The following MBP variants were observed in gnomAD, a reference collection of about 807,000 sequenced individuals.
The protein encoded by MBP is myelin basic protein.
Under a neutral mutation model 35.8 loss-of-function variants are expected in MBP, and 16 were observed. The observed-to-expected ratio is 0.45, with a 90% CI of 0.30 to 0.68. The LOEUF (loss-of-function observed/expected upper bound fraction) is 0.68. Among genes scored for constraint, MBP ranks in the 30% least tolerant of loss-of-function variants. The pLI, the probability that MBP is intolerant of heterozygous loss-of-function variation, is 0.08. For missense variants in MBP, 380 were observed against 404.7 expected, an observed-to-expected ratio of 0.94 and a Z score of 0.52; for synonymous variants, 143 against 159.6, an observed-to-expected ratio of 0.90 and a Z score of 0.78.
At chr18:77,068,757 C>T (rs1265201205) in intron 2 of MBP, among the ~76,000 whole-genome samples, 2 of 152,180 alleles carry the variant, frequency 1.3e-5, no homozygotes, top group African/African-American at 4.8e-5. Context: ...TGTTCAAACT[C>T]ACTAGTAATC....
chr18:77,059,591 TATAA>T (rs1185511300), intron 3 of MBP, among the ~76,000 whole-genome samples: 2 of 152,044 alleles, frequency 1.3e-5, no homozygotes, highest in African/African-American at 4.8e-5. Flanking sequence ...TGTGTAACAC[TATAA>T]ATAAATATAT....
At chr18:77,106,619 T>C (rs935480241) in intron 1 of MBP, among the ~76,000 whole-genome samples, 3 of 152,078 alleles carry the variant, frequency 2.0e-5, no homozygotes, top group African/African-American at 7.2e-5. Context: ...ACACGTGTAC[T>C]TCAAGCAACT....
chr18:76,984,429 C>T (rs913457198), intron 8 of MBP: 2 of 279,708 alleles, frequency 7.2e-6, no homozygotes, highest in Non-Finnish European at 1.4e-5. Context: ...CTGCTTGACT[C>T]CTGCTTTAGC....
At chr18:77,027,853 A>G (rs1972282535) in intron 3 of MBP, among the ~76,000 whole-genome samples, 1 of 152,094 alleles carries the variant, frequency 6.6e-6, no homozygotes, top group Non-Finnish European at 1.5e-5. Flanking sequence ...ATCGCAGCCA[A>G]TTTTTAATTT....
intron 3 of MBP, among the ~76,000 whole-genome samples, chr18:77,022,368 G>A (rs1322600098): frequency 2.0e-5 from 3 of 152,216 alleles, no homozygotes; most frequent in Non-Finnish European, 4.4e-5. Context: ...TGCGGAAAAG[G>A]CAGGACCAGG....
At chr18:77,012,779 T>C in intron 4 of MBP, 1 of 985,324 alleles carries the variant, frequency 1.0e-6, no homozygotes. Context: ...TCGCATGCAA[T>C]TAGTACACTG....
intron 4 of MBP, chr18:77,012,848 CA>C (rs1251694922): frequency 1.0e-6 from 1 of 985,192 alleles, no homozygotes; most frequent in Non-Finnish European, 1.2e-6. Flanking sequence ...TATATAAAGC[CA>C]AAAGCTCATA....
chr18:77,004,522 G>T (rs1374525933), intron 4 of MBP: 1 of 152,212 alleles, frequency 6.6e-6, no homozygotes, highest in African/African-American at 2.4e-5. Flanking sequence ...GTTAATGAAA[G>T]TCACGGGCAT....
At chr18:76,985,778 G>A (rs1229793026) in intron 7 of MBP, 21 of 993,150 alleles carry the variant, frequency 2.1e-5, no homozygotes, top group Non-Finnish European at 2.3e-5. Context: ...CAATGGGGCT[G>A]TGCGAGAACA....
chr18:77,014,359 G>C (rs973081629), intron 4 of MBP: 7 of 985,436 alleles, frequency 7.1e-6, no homozygotes, highest in Non-Finnish European at 8.4e-6. Flanking sequence ...TAGGGTCATG[G>C]GGGGGCTCCA....
intron 2 of MBP, among the ~76,000 whole-genome samples, chr18:77,088,975 C>T (rs966922602): frequency 5.3e-5 from 8 of 152,238 alleles, no homozygotes; most frequent in Non-Finnish European, 1.5e-5. Flanking sequence ...TGGACAAGGC[C>T]CAGGCCACCC....
intron 2 of MBP, among the ~76,000 whole-genome samples, chr18:77,077,263 G>C (rs1389743207): frequency 1.3e-5 from 2 of 150,824 alleles, no homozygotes; most frequent in Non-Finnish European, 2.9e-5. Context: ...TCGGGAGGCT[G>C]AGGCAGGAGA....
At chr18:77,061,101 G>A (rs1973959877) in intron 3 of MBP, among the ~76,000 whole-genome samples, 2 of 152,044 alleles carry the variant, frequency 1.3e-5, no homozygotes, top group Non-Finnish European at 1.5e-5. Flanking sequence ...TCTGTCTGTG[G>A]ATCATAGCAG....
intron 1 of MBP, chr18:77,110,549 G>A (rs12957636): frequency 0.02 from 2,983 of 151,474 alleles, 47 homozygotes; most frequent in Non-Finnish European, 0.031. Context: ...TCTCCATGTA[G>A]TGAGAGAACT....
chr18:77,025,785 G>A (rs1972196856), intron 3 of MBP, among the ~76,000 whole-genome samples: 1 of 135,546 alleles, frequency 7.4e-6, no homozygotes, highest in Non-Finnish European at 1.5e-5. Flanking sequence ...CATCGCACAA[G>A]TAACTTCCAT....
chr18:77,006,041 CG>C (rs1266287041), intron 4 of MBP: 2 of 152,288 alleles, frequency 1.3e-5, no homozygotes, highest in African/African-American at 4.8e-5. Flanking sequence ...ACGGCTATGA[CG>C]CAGTGCCATG....
intron 3 of MBP, among the ~76,000 whole-genome samples, chr18:77,052,981 C>A (rs191359397): frequency 2.6e-5 from 4 of 152,214 alleles, no homozygotes; most frequent in African/African-American, 9.7e-5. Context: ...TGTGAGTCCA[C>A]GCTAGACCTC....
At chr18:77,019,027 C>T (rs377319291) in intron 3 of MBP, among the ~76,000 whole-genome samples, 3,031 of 120,084 alleles carry the variant, frequency 0.025, 66 homozygotes, top group Middle Eastern at 0.09. Context: ...TATTTACCTA[C>T]CTGTTCATCC....
At chr18:77,029,632 A>C (rs1020993883) in intron 3 of MBP, among the ~76,000 whole-genome samples, 1 of 152,124 alleles carries the variant, frequency 6.6e-6, no homozygotes, top group African/African-American at 2.4e-5. Flanking sequence ...TATTTCAGAG[A>C]TCAACATAAT....
Sources: allele counts gnomAD v4.1 joint callset (sites outside exome capture counted in the v4.1 genomes callset), GRCh38; gene constraint gnomAD v4.1.1; transcripts MANE v1.5; gene names NCBI Gene and HGNC (gene_info 2026-07-23, HGNC 2026-07-21).